TRIM16: variants seen among roughly 807,000 people sequenced by gnomAD.
TRIM16 encodes the protein tripartite motif containing 16.
Under a neutral mutation model 50.4 loss-of-function variants are expected in TRIM16, and 33 were observed. The ratio of observed to expected loss-of-function variants is 0.65; its 90% CI spans 0.50 to 0.88. TRIM16 has a LOEUF of 0.88. Ranked by LOEUF, TRIM16 falls within the 40% of genes least tolerant of loss-of-function variation. The pLI is 0.00. For missense variants in TRIM16, 581 were observed against 686.8 expected (o/e 0.85, Z 1.72); for synonymous variants, 229 against 270.7 (o/e 0.85, Z 1.51).
At chr17:15,664,957 G>A (rs552992624) in intron 6 of TRIM16, among the ~76,000 whole-genome samples, 9 of 149,916 alleles carry the variant, frequency 6.0e-5, no homozygotes, top group Non-Finnish European at 1.3e-4. Context: ...GCTTGAACCC[G>A]GGAGGTGGAG....
chr17:15,638,114 A>AG (rs1350288539), intron 8 of TRIM16, among the ~76,000 whole-genome samples: 4 of 129,336 alleles, frequency 3.1e-5, no homozygotes, highest in Non-Finnish European at 1.6e-5. Flanking sequence ...ACACTGCGGA[A>AG]GGCCGCAGGG....
chr17:15,651,588 C>T lies in TRIM16; in HGVS notation c.22G>A (p.Ala8Thr). The stretch of plus-strand genomic sequence containing the variant: ...GTGGCCCTGGGCAGTGGCCCTGGAG[C>T]CATTAGATCCAACTCAGCCATCTGG... The part of the protein sequence containing the change: MAELDLM[A>T]PGPLPRATAQ... Residue 8 changes from alanine to threonine, a missense_variant, in exon 7 of 12, where the codon GCT becomes ACT. By Grantham distance (58) the Ala-to-Thr change is moderately conservative (BLOSUM62 0). Transcript: ENST00000649191. 2 of 1,613,890 alleles carry T rather than the reference C, an allele frequency of 1.2e-6. No individual in the cohort carries two copies. Among genetic ancestry groups the T allele is most frequent in the Non-Finnish European group, 1.7e-6 (2 of 1,179,870 alleles).
At chr17:15,638,258 T>TAA (rs535590168) in intron 8 of TRIM16, among the ~76,000 whole-genome samples, 18 of 115,066 alleles carry the variant, frequency 1.6e-4, no homozygotes, top group African/African-American at 6.1e-4. Context: ...AAAATAAATT[T>TAA]AAAAAAAAAA....
chr17:15,672,230 A>G (rs974072059), intron 6 of TRIM16, among the ~76,000 whole-genome samples: 125 of 151,682 alleles, frequency 8.2e-4, no homozygotes, highest in African/African-American at 2.9e-3. Flanking sequence ...TTTAAAAACT[A>G]AAGAATCCAG....
At chr17:15,651,051 C>A (rs113007976) in intron 7 of TRIM16, 40 bp downstream of exon 7, 1 of 1,570,118 alleles carries the variant, frequency 6.4e-7, no homozygotes, top group East Asian at 2.2e-5. Context: ...CATCCCCCAC[C>A]GCCCTCTCCC....
rs751946025 is a variant in TRIM16, at chr17:15,651,453, T to G, written c.157A>C (p.Arg53=). 1 of 1,612,218 alleles carries G rather than the reference T, an allele frequency of 6.2e-7. No individual in the cohort carries two copies. The change falls in exon 7 of 12, where the codon AGG becomes CGG. Residue 53 remains arginine (R), a synonymous_variant. Transcript: ENST00000649191. ...EDVGSSEKLG[R]ETEEQDSDSA... Reference sequence around the variant, plus strand: ...TCGCTGTCCTGTTCCTCCGTCTCCCTGCCAAGCTTCTCCGAGGAGCCCACG... The same window carrying G: ...TCGCTGTCCTGTTCCTCCGTCTCCCGGCCAAGCTTCTCCGAGGAGCCCACG...
Position 15,645,495 on chromosome 17 carries a change from C to T in TRIM16, c.520-2679G>A, listed in dbSNP as rs116528957. Among the ~76,000 whole-genome samples the T allele has an allele frequency of 4.1e-3, 624 of 152,092 alleles. 1 individual carries two copies. The highest frequency in any genetic ancestry group is 0.013 in the African/African-American group (541 of 41,446). ...CCTTCTGCCAAGAGGTGTGCCAAGG[C>T]GCACTTAAGCCTTTGCAAACCTCAA... On this transcript the variant is annotated intron_variant, in intron 7 of 11. Transcript: ENST00000649191.
intron 8 of TRIM16, among the ~76,000 whole-genome samples, chr17:15,639,710 A>T (rs1419274921): frequency 6.7e-6 from 1 of 149,796 alleles, no homozygotes; most frequent in Non-Finnish European, 1.5e-5. Flanking sequence ...AGAAGGAGGC[A>T]GGCAGAGAAT....
intron 6 of TRIM16, among the ~76,000 whole-genome samples, chr17:15,672,366 A>G (rs1227704810): frequency 1.3e-5 from 2 of 149,846 alleles, no homozygotes; most frequent in South Asian, 4.3e-4. Context: ...TTGTAAAAGG[A>G]GAGGAATTAT....
At chr17:15,648,549 T>C (rs575723811) in intron 7 of TRIM16, among the ~76,000 whole-genome samples, 1 of 152,194 alleles carries the variant, frequency 6.6e-6, no homozygotes, top group Non-Finnish European at 1.5e-5. Context: ...TGCAGTTTCC[T>C]ATACACAGCA....
At chr17:15,652,152 T>TG (rs1188147168) in intron 6 of TRIM16, 1 of 162,220 alleles carries the variant, frequency 6.2e-6, no homozygotes, top group Non-Finnish European at 1.2e-5. Flanking sequence ...TTTCTTTTCT[T>TG]TTTTTTTTTT....
At chr17:15,660,266 C>T (rs566143454) in intron 6 of TRIM16, among the ~76,000 whole-genome samples, 2 of 152,296 alleles carry the variant, frequency 1.3e-5, no homozygotes, top group East Asian at 3.9e-4. Flanking sequence ...GCCCCTCCCT[C>T]GATTGCTGTG....
intron 1 of TRIM16, chr17:15,683,906 C>T (rs1989277414): frequency 6.6e-6 from 1 of 152,220 alleles, no homozygotes. Flanking sequence ...GTACAGGAGC[C>T]TTGGGCGCTA....
At chr17:15,670,354 C>G (rs1988672144) in intron 6 of TRIM16, among the ~76,000 whole-genome samples, 1 of 152,194 alleles carries the variant, frequency 6.6e-6, no homozygotes, top group African/African-American at 2.4e-5. Flanking sequence ...TCAATAACTA[C>G]CACTAAATGT....
intron 10 of TRIM16, chr17:15,631,999 A>G (rs1986449885): frequency 4.5e-6 from 2 of 446,896 alleles, no homozygotes; most frequent in Non-Finnish European, 8.2e-6. Flanking sequence ...TAATATAAGC[A>G]TGACTAATTG....
In TRIM16 at chr17:15,651,573, G is replaced by A. The variant is rs1987710070; in HGVS notation, c.37C>T (p.Pro13Ser). ...GCTGGGGGCTGAGCAGTGGCCCTGG[G>A]CAGTGGCCCTGGAGCCATTAGATCC... ...ELDLMAPGPL[P>S]RATAQPPAPL... The change falls in exon 7 of 12, where the codon CCC becomes TCC. Residue 13 changes from proline to serine, a missense_variant. This residue lies in a region of TRIM16 where 450 missense variants were observed against 544.3 expected (regional missense o/e 0.83). Transcript: ENST00000649191. The A allele has an allele frequency of 6.2e-7, 1 of 1,613,836 alleles. No homozygotes were observed. The highest frequency in any genetic ancestry group is 1.7e-5 in the Admixed American group (1 of 60,024).
At chr17:15,679,388 G>C (rs571909666) in intron 4 of TRIM16, among the ~76,000 whole-genome samples, 2 of 152,230 alleles carry the variant, frequency 1.3e-5, no homozygotes, top group South Asian at 4.1e-4. Flanking sequence ...AAAGAGAATA[G>C]AGTGCAGAAA....
intron 6 of TRIM16, 144 bp from the exon 7 acceptor site, chr17:15,652,090 C>T (rs990008334): frequency 4.7e-6 from 2 of 426,294 alleles, no homozygotes; most frequent in African/African-American, 4.3e-5. Flanking sequence ...TTCATCTACT[C>T]CCATCTCATA....
At chr17:15,676,611 A>AT (rs1988960659) in intron 6 of TRIM16, among the ~76,000 whole-genome samples, 2 of 150,374 alleles carry the variant, frequency 1.3e-5, no homozygotes, top group South Asian at 4.2e-4. Flanking sequence ...AATTTTTTGT[A>AT]TTTTTAGTAC....
Sources: allele counts gnomAD v4.1 joint callset (sites outside exome capture counted in the v4.1 genomes callset), GRCh38; gene constraint gnomAD v4.1.1; regional missense constraint gnomAD v4.1.1; transcripts MANE v1.5; gene names NCBI Gene and HGNC (gene_info 2026-07-23, HGNC 2026-07-21).